DGKD: variants seen among roughly 807,000 people sequenced by gnomAD.
The protein encoded by DGKD is diacylglycerol kinase delta.
DGKD carries 68 observed loss-of-function variants against 154.4 expected under a neutral mutation model. That is an observed-to-expected ratio of 0.44 (90% CI 0.36 to 0.54). DGKD has a LOEUF of 0.54. Among genes scored for constraint, DGKD ranks in the 20% least tolerant of loss-of-function variants. The pLI, the probability that DGKD is intolerant of heterozygous loss-of-function variation, is 0.00. For missense variants in DGKD, 1,343 were observed against 1,593.6 expected, an observed-to-expected ratio of 0.84 and a Z score of 2.68; for synonymous variants, 693 against 638.0, an observed-to-expected ratio of 1.09 and a Z score of -1.30.
chr2:233,429,821 G>A (rs1317899414), intron 3 of DGKD, among the ~76,000 whole-genome samples: 4 of 152,204 alleles, frequency 2.6e-5, no homozygotes, highest in Non-Finnish European at 5.9e-5. Context: ...CCCACGCCCA[G>A]CCCGGCCCCA....
In DGKD at chr2:233,464,062, A is replaced by G. The variant is rs886826971; in HGVS notation, c.3187-102A>G. The G allele has an allele frequency of 4.0e-6, 6 of 1,486,062 alleles. No individual in the cohort carries two copies. In the Admixed American group the frequency reaches 1.0e-4, roughly 26 times the overall value. The allele number at this position is 1,486,062 out of a possible 1,614,324, so 92.1% of individuals were successfully genotyped here. A position where few individuals can be genotyped will look rare whatever the true frequency, so the allele number is the denominator to read the frequency against. ...TTTCTGGAAAGTGAGCTCCCTGATCAGAGCAGAGCAGAGCCCTGGAGCGGA... is the reference window on the plus strand; with the variant it reads ...TTTCTGGAAAGTGAGCTCCCTGATCGGAGCAGAGCAGAGCCCTGGAGCGGA... On this transcript the variant is annotated intron_variant, in intron 26 of 29. Coordinates refer to ENST00000264057, the MANE Select transcript of DGKD (RefSeq NM_152879.3).
In DGKD at chr2:233,458,149, C is replaced by T. The variant is rs186542090; in HGVS notation, c.2581-135C>T. 5.9e-5 allele frequency: 33 copies of T among 559,852 alleles called. No individual in the cohort carries two copies. Among genetic ancestry groups the T allele is most frequent in the Admixed American group, 3.3e-4 (12 of 36,742 alleles). The allele number at this position is 559,852 out of a possible 1,614,324, so 34.7% of individuals were successfully genotyped here. A position where few individuals can be genotyped will look rare whatever the true frequency, so the allele number is the denominator to read the frequency against. ...GTTTCAGGGCCTGCAACATGAAGCCCGTCAGGAGTGCAGTTACCTGGTAAC... is the reference window on the plus strand; with the variant it reads ...GTTTCAGGGCCTGCAACATGAAGCCTGTCAGGAGTGCAGTTACCTGGTAAC... On this transcript the variant is annotated intron_variant, in intron 21 of 29. Transcript: ENST00000264057. This position sits in a 1 kb window ranked among gnomAD's most constrained non-coding sequence, Gnocchi z 6.6.
At position 233,457,831 on chromosome 2, in the gene DGKD, G is replaced by A; in HGVS notation, c.2581-453G>A. On this transcript the variant is annotated intron_variant, in intron 21 of 29. Coordinates refer to ENST00000264057, the MANE Select transcript of DGKD (RefSeq NM_152879.3). This position sits in a 1 kb window ranked among gnomAD's most constrained non-coding sequence, Gnocchi z 5.5. ...TGGGTCACACTGGGCTGTGTGAGCT[G>A]GGGAAGAAGTTTGGAATTTGTGTTA... 1 of 336,950 alleles carries A rather than the reference G, an allele frequency of 3.0e-6. No homozygotes were observed. Among genetic ancestry groups the A allele is most frequent in the Admixed American group, 4.0e-5 (1 of 24,700 alleles). The allele number at this position is 336,950 out of a possible 1,614,324, so 20.9% of individuals were successfully genotyped here. A position where few individuals can be genotyped will look rare whatever the true frequency, so the allele number is the denominator to read the frequency against.
At chr2:233,390,048 A>T (rs1187296615) in intron 2 of DGKD, among the ~76,000 whole-genome samples, 1 of 152,238 alleles carries the variant, frequency 6.6e-6, no homozygotes, top group Non-Finnish European at 1.5e-5. Flanking sequence ...CTGTGTGAGA[A>T]CATACTTCAC....
At chr2:233,366,774 G>A (rs995154878) in intron 1 of DGKD, among the ~76,000 whole-genome samples, 2 of 152,028 alleles carry the variant, frequency 1.3e-5, no homozygotes, top group Admixed American at 6.6e-5. Context: ...GACGGGGTCA[G>A]GGCCCGATTG....
chr2:233,363,405 A>G (rs972924028), intron 1 of DGKD, among the ~76,000 whole-genome samples: 8 of 152,318 alleles, frequency 5.3e-5, no homozygotes, highest in African/African-American at 1.7e-4. Flanking sequence ...CTTTTGTACA[A>G]GTGTACAGTG....
chr2:233,441,473 T>C lies in DGKD; in HGVS notation c.1086-414T>C, dbSNP rs1425554732. Among the ~76,000 whole-genome samples, 1 of 152,048 alleles carries C rather than the reference T, an allele frequency of 6.6e-6. No individual in the cohort carries two copies. The highest frequency in any genetic ancestry group is 2.4e-5 in the African/African-American group (1 of 41,410). On this transcript the variant is annotated intron_variant, in intron 9 of 29. Coordinates refer to ENST00000264057, the MANE Select transcript of DGKD (RefSeq NM_152879.3). The surrounding 1 kb of genome is among the most constrained non-coding windows in gnomAD (Gnocchi z 5.6). ...AGCCCAGAGGGCATGCTGGGAAGGC[T>C]GGCAGGGGCCACATGTGGATGGGGC...
intron 3 of DGKD, among the ~76,000 whole-genome samples, chr2:233,425,735 G>C (rs2062275131): frequency 6.6e-6 from 1 of 152,172 alleles, no homozygotes; most frequent in Non-Finnish European, 1.5e-5. Context: ...TTTAGTGGCT[G>C]CATAGTTTTC....
rs549862106 is a variant in DGKD at position 233,449,850 on chromosome 2, T to G, written c.1889-132T>G. On this transcript the variant is annotated intron_variant, in intron 15 of 29. Transcript: ENST00000264057. This position sits in a 1 kb window ranked among gnomAD's most constrained non-coding sequence, Gnocchi z 5.3. ...GATGGGTGGGGGTGGGGTTTCGGAG[T>G]CCAAGCCTTTAGCCAGAGGTTGTTT... 4.3e-5 allele frequency: 49 copies of G among 1,146,044 alleles called. No homozygotes were observed. In the African/African-American group the frequency reaches 7.5e-4, roughly 18 times the overall value. 71.0% of individuals were successfully genotyped at this position (1,146,044 alleles called of 1,614,324 possible).
At chr2:233,424,620 A>G (rs961482075) in intron 3 of DGKD, among the ~76,000 whole-genome samples, 1 of 152,046 alleles carries the variant, frequency 6.6e-6, no homozygotes, top group African/African-American at 2.4e-5. Flanking sequence ...CCCTGGTGTG[A>G]GGCACCACCC....
chr2:233,370,376 G>A lies in DGKD; in HGVS notation c.156+15702G>A, dbSNP rs111637008. Among the ~76,000 whole-genome samples, 934 of 152,114 alleles carry A rather than the reference G, an allele frequency of 6.1e-3. 14 individuals carry two copies. Among genetic ancestry groups the A allele is most frequent in the African/African-American group, 0.021 (861 of 41,482 alleles). ...TTACAGGTGCACTCCACCATGCCTGGCTAATTTTTGTATTTTTAGTACAGA... is the reference window on the plus strand; with the variant it reads ...TTACAGGTGCACTCCACCATGCCTGACTAATTTTTGTATTTTTAGTACAGA... On this transcript the variant is annotated intron_variant, in intron 1 of 29. Transcript: ENST00000264057.
intron 3 of DGKD, among the ~76,000 whole-genome samples, chr2:233,409,787 GTT>G (rs3075533): frequency 0.031 from 1,863 of 60,816 alleles, 103 homozygotes; most frequent in African/African-American, 0.096. Context: ...CCCCCATACC[GTT>G]TTTTTTTTTT....
At chr2:233,409,829 G>A (rs1267301314) in intron 3 of DGKD, among the ~76,000 whole-genome samples, 1 of 130,414 alleles carries the variant, frequency 7.7e-6, no homozygotes, top group Non-Finnish European at 1.6e-5. Context: ...GACAGGAGGA[G>A]GACTGTGGGA....
At chr2:233,380,496 C>T (rs1414599301) in intron 1 of DGKD, among the ~76,000 whole-genome samples, 1 of 152,226 alleles carries the variant, frequency 6.6e-6, no homozygotes, top group African/African-American at 2.4e-5. Flanking sequence ...ACTGAGACTA[C>T]ACGTGTTCCC....
rs1054736101 is a variant in DGKD, at chr2:233,452,919, AC to A, written c.2264+863del. 4.0e-5 allele frequency among the ~76,000 whole-genome samples: 6 copies of A among 151,840 alleles called. No individual in the cohort carries two copies. Among genetic ancestry groups the A allele is most frequent in the African/African-American group, 1.5e-4 (6 of 41,286 alleles). ...AGAGGCTCTGGGTTTGGGAAAGTGG[AC>A]CCCTAGATTCCAGGTGCTGGCCTGG... On this transcript the variant is annotated intron_variant, in intron 18 of 29. Coordinates refer to ENST00000264057, the MANE Select transcript of DGKD (RefSeq NM_152879.3). This position sits in a 1 kb window ranked among gnomAD's most constrained non-coding sequence, Gnocchi z 4.0.
At chr2:233,419,094 G>A (rs371526704) in intron 3 of DGKD, 41 of 362,832 alleles carry the variant, frequency 1.1e-4, no homozygotes, top group African/African-American at 6.6e-4. Flanking sequence ...CGGAACAGCA[G>A]GATGTGAGTA....
Position 233,452,138 on chromosome 2 carries a change from T to A in DGKD, c.2264+78T>A. On this transcript the variant is annotated intron_variant, in intron 18 of 29. Transcript: ENST00000264057. The surrounding 1 kb of genome is among the most constrained non-coding windows in gnomAD (Gnocchi z 4.0). The stretch of plus-strand genomic sequence containing the variant: ...ATAGAAAACAGATCTCAGGATTAAC[T>A]AGAGAAATTAGTGAGCAGTTGCCCA... 1 of 1,343,734 alleles carries A rather than the reference T, an allele frequency of 7.4e-7. No homozygotes were observed. Among genetic ancestry groups the A allele is most frequent in the Non-Finnish European group, 1.1e-6 (1 of 939,706 alleles). 83.2% of individuals were successfully genotyped at this position (1,343,734 alleles called of 1,614,324 possible).
At chr2:233,427,026 T>C (rs1406390127) in intron 3 of DGKD, among the ~76,000 whole-genome samples, 13 of 152,224 alleles carry the variant, frequency 8.5e-5, no homozygotes, top group Non-Finnish European at 1.8e-4. Flanking sequence ...TTTTAAGTTC[T>C]GTTACCCTCA....
chr2:233,471,049 A>C lies in DGKD; in HGVS notation c.*1589A>C, dbSNP rs1378606860. 1 of 152,374 alleles carries C rather than the reference A, an allele frequency of 6.6e-6. No individual in the cohort carries two copies. Among genetic ancestry groups the C allele is most frequent in the Non-Finnish European group, 1.5e-5 (1 of 68,164 alleles). The allele number at this position is 152,374 out of a possible 1,614,324, so 9.4% of individuals were successfully genotyped here. On this transcript the variant is annotated 3_prime_UTR_variant, in exon 30 of 30. Coordinates refer to ENST00000264057, the MANE Select transcript of DGKD (RefSeq NM_152879.3). ...AACAGCACTGGCCCACCTCCCACTC[A>C]CAGCCCCTCTGTCCCCTCTGCAGTG...
Sources: allele counts gnomAD v4.1 joint callset (sites outside exome capture counted in the v4.1 genomes callset), GRCh38; gene constraint gnomAD v4.1.1; non-coding constraint Gnocchi (gnomAD v3.1); transcripts MANE v1.5; gene names NCBI Gene and HGNC (gene_info 2026-07-23, HGNC 2026-07-21).